VWF: variants seen among roughly 807,000 people sequenced by gnomAD.
VWF encodes the protein von Willebrand factor.
Under a neutral mutation model 308.6 loss-of-function variants are expected in VWF, and 176 were observed. That is an observed-to-expected ratio of 0.57 (90% CI 0.50 to 0.65). VWF has a LOEUF of 0.65. VWF is among the 30% of genes least tolerant of loss of function. VWF has a pLI of 0.00. For synonymous variants in VWF, 1,385 were observed against 1,443.4 expected, an observed-to-expected ratio of 0.96 and a Z score of 0.92; for missense variants, 3,146 against 3,648.2, an observed-to-expected ratio of 0.86 and a Z score of 3.55.
chr12:6,013,427 G>A, intron 32 of VWF, 54 bp downstream of exon 32: 1 of 1,608,546 alleles, frequency 6.2e-7, no homozygotes, highest in Non-Finnish European at 8.5e-7. Context: ...TCTTTGGCGG[G>A]TTTATTTTGG....
intron 5 of VWF, among the ~76,000 whole-genome samples, chr12:6,104,569 C>A (rs974086854): frequency 6.6e-6 from 1 of 151,760 alleles, no homozygotes; most frequent in African/African-American, 2.4e-5. Flanking sequence ...TGGTGACATG[C>A]GCCTGTAGTC....
intron 16 of VWF, among the ~76,000 whole-genome samples, chr12:6,049,010 A>G (rs1944478143): frequency 6.6e-6 from 1 of 152,238 alleles, no homozygotes; most frequent in Non-Finnish European, 1.5e-5. Context: ...GTTTAAAATC[A>G]ACTCCTGGCC....
intron 18 of VWF, among the ~76,000 whole-genome samples, chr12:6,037,520 G>C (rs1244854329): frequency 6.6e-6 from 1 of 152,172 alleles, no homozygotes; most frequent in African/African-American, 2.4e-5. Context: ...GTCTGTTGGG[G>C]CTGAGAAAAT....
At chr12:5,967,406 A>G (rs1943415432) in intron 47 of VWF, 80 bp downstream of exon 47, 3 of 1,087,870 alleles carry the variant, frequency 2.8e-6, no homozygotes, top group Non-Finnish European at 4.3e-6. Flanking sequence ...TTATTTATTT[A>G]AAGACCGCAG....
At chr12:6,040,910 T>C (rs571151002) in intron 18 of VWF, among the ~76,000 whole-genome samples, 1 of 152,274 alleles carries the variant, frequency 6.6e-6, no homozygotes, top group African/African-American at 2.4e-5. Context: ...CGGTGGACAC[T>C]GAGAGGCACC....
chr12:6,072,316 C>A lies in VWF; in HGVS notation c.1109+15G>T, dbSNP rs752873941. ...CAGGCAGGTCTCCCAGAGCACGCTG[C>A]GCAGCCCCCATTACCAGGTGTTGCA... is the stretch of plus-strand genomic sequence containing the variant. On this transcript the variant is annotated intron_variant, in intron 9 of 51. Coordinates refer to ENST00000261405, the MANE Select transcript of VWF (RefSeq NM_000552.5). 1 of 1,610,904 alleles carries A rather than the reference C, an allele frequency of 6.2e-7. No individual in the cohort carries two copies. Among genetic ancestry groups the A allele is most frequent in the Non-Finnish European group, 8.5e-7 (1 of 1,177,442 alleles).
At chr12:6,079,450 CAAA>C (rs5796207) in intron 6 of VWF, among the ~76,000 whole-genome samples, 1 of 149,220 alleles carries the variant, frequency 6.7e-6, no homozygotes, top group Non-Finnish European at 1.5e-5. Context: ...ACTAAAAATA[CAAA>C]AAAAAAATTA....
intron 5 of VWF, among the ~76,000 whole-genome samples, chr12:6,098,948 A>T (rs554879613): frequency 1.3e-5 from 2 of 151,708 alleles, no homozygotes; most frequent in Admixed American, 6.6e-5. Context: ...AGATCCTGAG[A>T]CCCCCATTGT....
At chr12:6,025,435 C>A in intron 24 of VWF, 145 bp downstream of exon 24, 1 of 722,544 alleles carries the variant, frequency 1.4e-6, no homozygotes, top group South Asian at 1.5e-5. Flanking sequence ...GATTGAAAGC[C>A]AAGAAAAAAA....
intron 6 of VWF, among the ~76,000 whole-genome samples, chr12:6,087,085 T>C (rs1398362573): frequency 1.3e-5 from 2 of 152,090 alleles, no homozygotes; most frequent in African/African-American, 4.8e-5. Context: ...AAACACCAAA[T>C]TCAGAGACCA....
At position 6,052,410 on chromosome 12, in the gene VWF, G is replaced by A. The variant is rs1346619324; in HGVS notation, c.2186+133C>T. 18 of 1,381,020 alleles carry A rather than the reference G, an allele frequency of 1.3e-5. No homozygotes were observed. The Admixed American group carries it at 2.4e-4, about 18-fold the overall frequency. 85.5% of individuals were successfully genotyped at this position (1,381,020 alleles called of 1,614,324 possible). ...ATCCCAGCTCCGCTTCTGACTTGCT[G>A]TACAGTTCTGGACAAGTCACTTCCT... On this transcript the variant is annotated intron_variant, in intron 16 of 51. Coordinates refer to ENST00000261405, the MANE Select transcript of VWF (RefSeq NM_000552.5).
chr12:6,056,610 T>C (rs1199774995), intron 15 of VWF, among the ~76,000 whole-genome samples: 1 of 152,106 alleles, frequency 6.6e-6, no homozygotes, highest in African/African-American at 2.4e-5. Flanking sequence ...GTTCTAGGCC[T>C]CCAGGTAGGA....
chr12:6,111,441 T>C (rs1479040347), intron 3 of VWF, among the ~76,000 whole-genome samples: 6 of 152,180 alleles, frequency 3.9e-5, no homozygotes, highest in Non-Finnish European at 7.3e-5. Flanking sequence ...GATGTGAACA[T>C]GGCTCGCTGC....
chr12:6,034,082 C>G (rs1219112653), intron 20 of VWF, among the ~76,000 whole-genome samples: 1 of 152,246 alleles, frequency 6.6e-6, no homozygotes, highest in Admixed American at 6.5e-5. Context: ...CTGGATCGCT[C>G]TCATCTGCTG....
At chr12:6,065,835 G>C (rs1339299373) in intron 10 of VWF, among the ~76,000 whole-genome samples, 1 of 152,232 alleles carries the variant, frequency 6.6e-6, no homozygotes, top group Non-Finnish European at 1.5e-5. Context: ...AGGCAGGACA[G>C]TCTTGGAGCT....
chr12:6,034,936 C>G, intron 19 of VWF, 110 bp from the exon 20 acceptor site: 2 of 1,401,792 alleles, frequency 1.4e-6, no homozygotes, highest in Non-Finnish European at 2.0e-6. Context: ...GCCTCCCAAC[C>G]CTCCAGGAAG....
rs368810263 is a variant in VWF, at chr12:5,969,226, G to A, written c.7714C>T (p.Pro2572Ser). 6.2e-7 allele frequency: 1 copy of A among 1,613,552 alleles called. No individual in the cohort carries two copies. Among genetic ancestry groups the A allele is most frequent in the African/African-American group, 1.3e-5 (1 of 74,940 alleles). ...QLSCKTSACCPSCRCERMEAC... is the reference protein window; with the variant it reads ...QLSCKTSACCSSCRCERMEAC... ...CATGCCTTACCACAGCGACAGCTTG[G>A]GCAGCACGCTGAGGTCTTACAGCTC... is the stretch of plus-strand genomic sequence containing the variant. The change falls in exon 45 of 52, where the codon CCA (proline) becomes TCA (serine). Residue 2572 changes from proline (P) to serine (S), a missense_variant. Coordinates refer to ENST00000261405, the MANE Select transcript of VWF (RefSeq NM_000552.5).
intron 34 of VWF, among the ~76,000 whole-genome samples, chr12:6,010,706 G>C (rs746237006): frequency 1.3e-5 from 2 of 152,230 alleles, no homozygotes; most frequent in Non-Finnish European, 2.9e-5. Context: ...TAATTTCCAG[G>C]ATATGCTTTT....
intron 18 of VWF, among the ~76,000 whole-genome samples, chr12:6,040,969 G>A (rs907118429): frequency 4.6e-5 from 7 of 152,214 alleles, no homozygotes; most frequent in Non-Finnish European, 1.0e-4. Context: ...TGCTCAAAGT[G>A]CATTCCCTGG....
Sources: gnomAD v4.1 joint callset for allele counts (sites outside exome capture counted in the v4.1 genomes callset) on GRCh38, gnomAD v4.1.1 for gene constraint, MANE v1.5 for transcripts, NCBI Gene and HGNC (gene_info 2026-07-23, HGNC 2026-07-21) for gene names.